Variants in SMIM7 observed in about 807,000 individuals in gnomAD.
SMIM7 encodes small integral membrane protein 7.
SMIM7 carries 12 observed loss-of-function variants against 13.3 expected under a neutral mutation model. That is an observed-to-expected ratio of 0.90 (90% confidence interval 0.58 to 1.46). The LOEUF (loss-of-function observed/expected upper bound fraction) is 1.46, where lower values mean the gene tolerates loss of function less well. Ranked by LOEUF, SMIM7 falls within the 40% of genes most tolerant of loss-of-function variation. SMIM7 has a pLI of 0.00. For synonymous variants in SMIM7, 36 were observed against 35.8 expected, an observed-to-expected ratio of 1.01 and a Z score of -0.02; for missense variants, 114 against 94.8, an observed-to-expected ratio of 1.20 and a Z score of -0.84.
At chr19:16,653,955 A>C (rs2086562491) in intron 4 of SMIM7, 80 bp downstream of exon 4, 1 of 1,093,574 alleles carries the variant, frequency 9.1e-7, no homozygotes, top group Non-Finnish European at 1.4e-6. Context: ...CTGAAAAGAC[A>C]GAGAATGACC....
At chr19:16,659,488 T>G (rs767865109) in intron 2 of SMIM7, 41 bp from the exon 3 acceptor site, 3 of 1,592,790 alleles carry the variant, frequency 1.9e-6, no homozygotes, top group Non-Finnish European at 2.6e-6. Flanking sequence ...CAATGGGACA[T>G]AGAGTCCTCA....
chr19:16,647,702 C>A (rs889523370), intron 4 of SMIM7, among the ~76,000 whole-genome samples: 7 of 151,986 alleles, frequency 4.6e-5, no homozygotes, highest in African/African-American at 1.7e-4. Context: ...GTGATCCACC[C>A]GCCTCAGCCT....
chr19:16,640,914 CAG>C (rs1326826531), downstream of SMIM7: 1 of 151,880 alleles, frequency 6.6e-6, no homozygotes, highest in Non-Finnish European at 1.5e-5. Context: ...GCCTGGGTGA[CAG>C]AGTCTCAAAA....
Position 16,660,079 on chromosome 19 carries a change from A to C in SMIM7, c.26+6T>G, listed in dbSNP as rs1340385191. On this transcript the variant is annotated splice_donor_region_variant and intron_variant, in intron 1 of 4. Transcript: ENST00000487416. ...TCTCTTCCCAGCCTCTGGTCCCCCTAATTACCCGAACAGCAGGATGTCTCC... is the reference window on the plus strand; with the variant it reads ...TCTCTTCCCAGCCTCTGGTCCCCCTCATTACCCGAACAGCAGGATGTCTCC... 3 of 1,614,170 alleles carry C rather than the reference A, an allele frequency of 1.9e-6. No homozygotes were observed. The highest frequency in any genetic ancestry group is 2.5e-6 in the Non-Finnish European group (3 of 1,180,026).
In SMIM7 at chr19:16,633,095, T is replaced by C. The variant is rs899235357; in HGVS notation, c.*138-1371A>G. ...GAATTAGAAGGCGCCACAGGGAGCCTTGTGGGTGCTACAATAATCTAAGCC... is the reference window on the plus strand; with the variant it reads ...GAATTAGAAGGCGCCACAGGGAGCCCTGTGGGTGCTACAATAATCTAAGCC... On this transcript the variant is annotated intron_variant and NMD_transcript_variant, in intron 4 of 4. Coordinates refer to the SMIM7 transcript ENST00000465250. Among the ~76,000 whole-genome samples the C allele has an allele frequency of 2.0e-5, 3 of 152,302 alleles. No homozygotes were observed. The Middle Eastern group carries it at 0.01, about 518-fold the overall frequency.
chr19:16,636,434 A>T (rs1204350900), intron 4 of SMIM7: 1 of 151,848 alleles, frequency 6.6e-6, no homozygotes, highest in Non-Finnish European at 1.5e-5. Context: ...CAGTGGTATG[A>T]CCTCGACTCA....
chr19:16,643,430 G>T (rs923041257), downstream of SMIM7, among the ~76,000 whole-genome samples: 7 of 152,130 alleles, frequency 4.6e-5, no homozygotes, highest in Non-Finnish European at 8.8e-5. Context: ...TGAGACAGGG[G>T]TCTCACTGTG....
In SMIM7 at chr19:16,659,960, G is replaced by A; in HGVS notation, c.67C>T (p.Leu23=). The A allele has an allele frequency of 2.5e-6, 4 of 1,611,882 alleles. No individual in the cohort carries two copies. Among genetic ancestry groups the A allele is most frequent in the Non-Finnish European group, 3.4e-6 (4 of 1,179,314 alleles). Residue 23 remains leucine, a splice_region_variant and synonymous_variant, in exon 2 of 5, where the codon CTG becomes TTG. Coordinates refer to ENST00000487416, the MANE Select transcript of SMIM7 (RefSeq NM_024104.4). The part of the protein sequence containing the change: ...MNAGAVLNFK[L]KKKDTQGFGE... ...GCAGTCCGGCCGCGACCTACTCACA[G>A]CTTAAAGTTCAGCACCGCCCCGGCA...
intron 4 of SMIM7, among the ~76,000 whole-genome samples, chr19:16,639,214 C>T (rs1374904299): frequency 2.0e-5 from 3 of 151,708 alleles, no homozygotes; most frequent in South Asian, 2.1e-4. Context: ...CTCCGCCCCC[C>T]CAGGTTCACG....
At chr19:16,652,878 C>A (rs2122535596) in intron 4 of SMIM7, 1 of 1,550,598 alleles carries the variant, frequency 6.4e-7, no homozygotes, top group Non-Finnish European at 8.7e-7. Flanking sequence ...CCATTTACAG[C>A]AAATCTCACA....
chr19:16,648,803 T>G (rs1568302813), intron 4 of SMIM7, among the ~76,000 whole-genome samples: 2 of 151,490 alleles, frequency 1.3e-5, no homozygotes, highest in Admixed American at 1.3e-4. Flanking sequence ...GCCCAGGAGT[T>G]CTGGACCAGC....
rs1446500549 is a variant in SMIM7 at position 16,654,112 on chromosome 19, C to G, written c.135G>C (p.Arg45=). 6.2e-7 allele frequency: 1 copy of G among 1,614,018 alleles called. No individual in the cohort carries two copies. The highest frequency in any genetic ancestry group is 1.7e-5 in the Admixed American group (1 of 60,002). ...AGTATCTGAGGCTCAGCAAGAATTC[C>G]CGGATGTTGTCACCTGGAAGAATCA... ...SREPSTGDNI[R]EFLLSLRYFR... is the part of the protein sequence containing the mutation. Residue 45 remains arginine, a synonymous_variant, in exon 4 of 5, where the codon CGG becomes CGC. Transcript: ENST00000487416.
intron 2 of SMIM7, 126 bp downstream of exon 2, chr19:16,659,833 A>T: frequency 7.8e-7 from 1 of 1,284,960 alleles, no homozygotes; most frequent in Non-Finnish European, 1.1e-6. Context: ...AGGCGTGCCC[A>T]GAGGGCGGAT....
Position 16,656,628 on chromosome 19 carries a change from G to A in SMIM7, c.122-2503C>T, listed in dbSNP as rs562558301. Among the ~76,000 whole-genome samples the A allele has an allele frequency of 2.0e-5, 3 of 152,126 alleles. No individual in the cohort carries two copies. The South Asian group carries it at 6.2e-4, about 32-fold the overall frequency. ...AAAAAAGCCTTTCCAGCCGGGTGCCGTCGCTCAAGTCTGTAATCCCAGCAC... is the reference window on the plus strand; with the variant it reads ...AAAAAAGCCTTTCCAGCCGGGTGCCATCGCTCAAGTCTGTAATCCCAGCAC... On this transcript the variant is annotated intron_variant, in intron 3 of 4. Transcript: ENST00000487416.
intron 4 of SMIM7, 190 bp downstream of exon 4, chr19:16,653,845 A>G (rs981441722): frequency 1.7e-6 from 1 of 584,198 alleles, no homozygotes; most frequent in Non-Finnish European, 3.0e-6. Flanking sequence ...CAGTGAGCCC[A>G]GATCGCACCA....
chr19:16,656,424 A>G (rs2086597979), intron 3 of SMIM7, among the ~76,000 whole-genome samples: 1 of 152,120 alleles, frequency 6.6e-6, no homozygotes, highest in African/African-American at 2.4e-5. Flanking sequence ...CAACAGCAGT[A>G]TACAGGGGAT....
intron 4 of SMIM7, among the ~76,000 whole-genome samples, chr19:16,651,286 C>T (rs2086521336): frequency 6.6e-6 from 1 of 152,194 alleles, no homozygotes; most frequent in Admixed American, 6.5e-5. Context: ...CTCTGTCACA[C>T]AACTCAACTC....
At chr19:16,652,422 G>C (rs543774088) in intron 4 of SMIM7, 1 of 489,562 alleles carries the variant, frequency 2.0e-6, no homozygotes, top group African/African-American at 2.1e-5. Flanking sequence ...GGCTGGTCTT[G>C]AACTCCTGGG....
At chr19:16,649,105 A>G (rs2086486520) in intron 4 of SMIM7, among the ~76,000 whole-genome samples, 3 of 152,192 alleles carry the variant, frequency 2.0e-5, no homozygotes, top group South Asian at 2.1e-4. Context: ...GATACGGAGA[A>G]AGTGTAACCC....
Sources: gnomAD v4.1 joint callset for allele counts (sites outside exome capture counted in the v4.1 genomes callset) on GRCh38, gnomAD v4.1.1 for gene constraint, MANE v1.5 for transcripts, NCBI Gene and HGNC (gene_info 2026-07-23, HGNC 2026-07-21) for gene names.